CPS1: variants seen among roughly 807,000 people sequenced by gnomAD.
CPS1 encodes the protein carbamoyl-phosphate synthase 1, also known as carbamoyl-phosphate synthase [ammonia], mitochondrial.
In CPS1, 109 loss-of-function variants were observed where a neutral mutation model predicts 174.6. The ratio of observed to expected loss-of-function variants is 0.62; its 90% CI spans 0.53 to 0.73. CPS1 has a LOEUF of 0.73. Among genes scored for constraint, CPS1 ranks in the 30% least tolerant of loss-of-function variants. The pLI, the probability that CPS1 is intolerant of heterozygous loss-of-function variation, is 0.00. For synonymous variants in CPS1, 637 were observed against 632.0 expected (o/e 1.01, Z -0.12); for missense variants, 1,689 against 1,821.9 (o/e 0.93, Z 1.33).
At chr2:210,593,008 T>C (rs1396959476) in intron 11 of CPS1, 52 bp downstream of exon 11, 1 of 1,531,162 alleles carries the variant, frequency 6.5e-7, no homozygotes, top group Non-Finnish European at 9.0e-7. Context: ...AATGTATTTG[T>C]GTGGAAATTC....
At chr2:210,593,384 G>C in intron 11 of CPS1, 1 of 1,075,828 alleles carries the variant, frequency 9.3e-7, no homozygotes, top group Non-Finnish European at 1.1e-6. Context: ...ACAGCAGCAG[G>C]AGAAGGAGGG....
intron 34 of CPS1, chr2:210,674,180 A>G (rs1023172316): frequency 6.6e-6 from 1 of 152,252 alleles, no homozygotes; most frequent in Non-Finnish European, 1.5e-5. Context: ...CTTAGAAATA[A>G]GAGCAAGTTG....
intron 2 of CPS1, among the ~76,000 whole-genome samples, chr2:210,575,953 C>T (rs1697693448): frequency 6.6e-6 from 1 of 151,940 alleles, no homozygotes. Flanking sequence ...CAGCCCTCAA[C>T]AGTAAATATC....
intron 1 of CPS1, among the ~76,000 whole-genome samples, chr2:210,510,729 C>T (rs1197507908): frequency 6.6e-6 from 1 of 152,176 alleles, no homozygotes; most frequent in African/African-American, 2.4e-5. Flanking sequence ...AGGATATGAA[C>T]AGACGCTTCT....
chr2:210,509,971 A>G (rs1252291140), intron 1 of CPS1, among the ~76,000 whole-genome samples: 1 of 152,156 alleles, frequency 6.6e-6, no homozygotes, highest in Non-Finnish European at 1.5e-5. Flanking sequence ...TTATAGATTC[A>G]ATGCCATCCC....
At chr2:210,570,591 A>G (rs1352024600) in intron 1 of CPS1, among the ~76,000 whole-genome samples, 1 of 152,018 alleles carries the variant, frequency 6.6e-6, no homozygotes, top group African/African-American at 2.4e-5. Context: ...ATAAACTGAT[A>G]TGTAGAAAAC....
intron 16 of CPS1, among the ~76,000 whole-genome samples, chr2:210,604,440 T>A: frequency 6.6e-6 from 1 of 151,906 alleles, no homozygotes; most frequent in East Asian, 1.9e-4. Context: ...ATTCTACCCA[T>A]TGTGGGTGTG....
At position 210,678,069 on chromosome 2, in the gene CPS1, T is replaced by C; in HGVS notation, c.*84T>C. ...AACTGATTCACAACTTTCTCAGAGA[T>C]GAATATTGATAACTAAACTTCATTT... On this transcript the variant is annotated 3_prime_UTR_variant, in exon 38 of 38. Transcript: ENST00000233072. 2.0e-6 allele frequency: 2 copies of C among 996,374 alleles called. No homozygotes were observed. Among genetic ancestry groups the C allele is most frequent in the Non-Finnish European group, 1.6e-6 (1 of 615,966 alleles). The allele number at this position is 996,374 out of a possible 1,614,324, so 61.7% of individuals were successfully genotyped here.
At chr2:210,635,141 C>T (rs112085022) in intron 21 of CPS1, among the ~76,000 whole-genome samples, 4,242 of 152,136 alleles carry the variant, frequency 0.028, 84 homozygotes, top group Non-Finnish European at 0.044. Flanking sequence ...GACGGGGTTT[C>T]ACCATGTTGG....
chr2:210,634,851 A>G (rs767173779), intron 21 of CPS1, among the ~76,000 whole-genome samples: 1 of 152,164 alleles, frequency 6.6e-6, no homozygotes, highest in Non-Finnish European at 1.5e-5. Context: ...TATGTTTCCC[A>G]TACGTGCCAT....
intron 1 of CPS1, among the ~76,000 whole-genome samples, chr2:210,571,512 C>G (rs931102345): frequency 4.6e-5 from 7 of 151,756 alleles, no homozygotes; most frequent in Non-Finnish European, 1.0e-4. Context: ...TTAAACATAT[C>G]CTATCAATTT....
At chr2:210,642,787 C>T in intron 25 of CPS1, 122 bp downstream of exon 25, 1 of 886,788 alleles carries the variant, frequency 1.1e-6, no homozygotes, top group East Asian at 2.7e-5. Flanking sequence ...AAAGGGCTGC[C>T]AGTGGCATCC....
chr2:210,510,472 G>C (rs1488283959), intron 1 of CPS1, among the ~76,000 whole-genome samples: 2 of 151,938 alleles, frequency 1.3e-5, no homozygotes, highest in Non-Finnish European at 2.9e-5. Flanking sequence ...GCATGGGCAA[G>C]GGCAAGGACT....
At chr2:210,523,217 A>G (rs1177360927) in intron 1 of CPS1, among the ~76,000 whole-genome samples, 2 of 152,068 alleles carry the variant, frequency 1.3e-5, no homozygotes, top group Non-Finnish European at 2.9e-5. Context: ...GAGAGAACCA[A>G]CTGGAAATAA....
At chr2:210,651,055 C>G (rs1266578154) in intron 28 of CPS1, among the ~76,000 whole-genome samples, 1 of 152,138 alleles carries the variant, frequency 6.6e-6, no homozygotes, top group Non-Finnish European at 1.5e-5. Context: ...TCAGCATGAT[C>G]CATTTAAGAT....
In CPS1 at chr2:210,674,891, T is replaced by C. The variant is rs1456284360; in HGVS notation, c.4102-11T>C. On this transcript the variant is annotated splice_polypyrimidine_tract_variant and intron_variant, in intron 34 of 37. Coordinates refer to ENST00000233072, the MANE Select transcript of CPS1 (RefSeq NM_001875.5). ...TATCTAGAAAGTGAATTTTGTGAAATTCCTTTTCAGCAATCATTCCGGCCA... is the reference window on the plus strand; with the variant it reads ...TATCTAGAAAGTGAATTTTGTGAAACTCCTTTTCAGCAATCATTCCGGCCA... 1.2e-6 allele frequency: 2 copies of C among 1,612,018 alleles called. No individual in the cohort carries two copies. Among genetic ancestry groups the C allele is most frequent in the Admixed American group, 1.7e-5 (1 of 60,010 alleles).
chr2:210,523,927 G>T (rs1695901383), intron 1 of CPS1, among the ~76,000 whole-genome samples: 1 of 151,922 alleles, frequency 6.6e-6, no homozygotes. Flanking sequence ...GGGTACCTGA[G>T]GTCAAGGGCT....
At position 210,477,690 on chromosome 2, in the gene CPS1, A is replaced by G. The variant is rs573133263; in HGVS notation, c.-74A>G. On this transcript the variant is annotated 5_prime_UTR_variant, in exon 1 of 39. Coordinates refer to the CPS1 transcript ENST00000430249. ...TCCCCACACCCAGGTTTGCTCTTTT[A>G]AAATAGTTGCTTTCTTAGGAAATGT... 7.6e-5 allele frequency: 122 copies of G among 1,598,040 alleles called. No individual in the cohort carries two copies. The African/African-American group carries it at 1.5e-3, about 19-fold the overall frequency.
chr2:210,561,440 C>T (rs956313047), intron 1 of CPS1, among the ~76,000 whole-genome samples: 1 of 152,180 alleles, frequency 6.6e-6, no homozygotes. Flanking sequence ...TTCTGACGAT[C>T]TAGAGGTGAC....
Sources: gnomAD v4.1 joint callset for allele counts (sites outside exome capture counted in the v4.1 genomes callset) on GRCh38, gnomAD v4.1.1 for gene constraint, MANE v1.5 for transcripts, NCBI Gene and HGNC (gene_info 2026-07-23, HGNC 2026-07-21) for gene names.